Variants in DNAH10 observed in about 807,000 individuals in gnomAD.
DNAH10 encodes axonemal beta dynein heavy chain 10.
In DNAH10, 348 loss-of-function variants were observed where a neutral mutation model predicts 506.6. That is an observed-to-expected ratio of 0.69 (90% CI 0.63 to 0.75). DNAH10 has a LOEUF of 0.75. Ranked by LOEUF, DNAH10 falls within the 30% of genes least tolerant of loss-of-function variation. DNAH10 has a pLI of 0.00. For missense variants in DNAH10, 5,179 were observed against 5,787.1 expected (o/e 0.89, Z 3.41); for synonymous variants, 2,059 against 2,198.6 (o/e 0.94, Z 1.78).
In DNAH10 at chr12:123,845,145, G is replaced by A. The variant is rs183205103; in HGVS notation, c.5361-455G>A. 9.3e-4 allele frequency among the ~76,000 whole-genome samples: 142 copies of A among 152,064 alleles called. 2 individuals are homozygous for A. Among genetic ancestry groups the A allele is most frequent in the Admixed American group, 9.2e-3 (140 of 15,280 alleles). On this transcript the variant is annotated intron_variant, in intron 30 of 78. Transcript: ENST00000673944. Reference sequence around the variant, plus strand: ...GGAGTAGCTGGGACTACAGGCATGCGTCATTATGCCTGGCTAGTTTTTAAT... The same window carrying A: ...GGAGTAGCTGGGACTACAGGCATGCATCATTATGCCTGGCTAGTTTTTAAT...
Position 123,783,257 on chromosome 12 carries a change from C to T in DNAH10, c.992C>T (p.Thr331Ile). ...STAVEAQLKK[T>I]PQGKGPLAEI... ...GCGGTTGAGGCCCAACTGAAGAAGA[C>T]ACCTCAGGTAGTTTGTGCAGGGCTT... is the stretch of plus-strand genomic sequence containing the variant. The change falls in exon 7 of 79, where the codon ACA (threonine) becomes ATA (isoleucine). Residue 331 changes from threonine (T) to isoleucine (I), a missense_variant. Thr to Ile is a moderately conservative substitution (Grantham distance 89). Transcript: ENST00000673944. The T allele has an allele frequency of 1.2e-6, 2 of 1,613,912 alleles. No individual in the cohort carries two copies. The highest frequency in any genetic ancestry group is 1.1e-5 in the South Asian group (1 of 91,056).
intron 50 of DNAH10, 84 bp from the exon 51 acceptor site, chr12:123,881,541 C>A (rs1439208883): frequency 7.6e-7 from 1 of 1,309,832 alleles, no homozygotes; most frequent in Non-Finnish European, 1.0e-6. Context: ...TTTGTAGATT[C>A]TGGATATTAG....
At chr12:123,827,534 G>A (rs937532113) in intron 25 of DNAH10, among the ~76,000 whole-genome samples, 2 of 152,190 alleles carry the variant, frequency 1.3e-5, no homozygotes, top group African/African-American at 4.8e-5. Context: ...GGGGGCATGG[G>A]TCTGTGTTTA....
rs1317454490 is a variant in DNAH10, at chr12:123,787,936, G to A, written c.1554G>A (p.Arg518=). 1.9e-6 allele frequency: 3 copies of A among 1,605,204 alleles called. No homozygotes were observed. The South Asian group carries it at 3.4e-5, about 18-fold the overall frequency. ...SGREDRWEFD[R]KRLFERTDYM... The stretch of plus-strand genomic sequence containing the variant: ...GGGAAGATCGGTGGGAGTTTGACCG[G>A]AAGCGGCTGTTCGAGAGGACGGATT... The change falls in exon 10 of 79, where the codon CGG becomes CGA. Residue 518 remains arginine, a synonymous_variant. Transcript: ENST00000673944. The surrounding 1 kb of genome is among the most constrained non-coding windows in gnomAD (Gnocchi z 4.6).
intron 30 of DNAH10, among the ~76,000 whole-genome samples, chr12:123,844,464 A>G (rs572117596): frequency 7.2e-5 from 11 of 152,316 alleles, no homozygotes; most frequent in South Asian, 4.1e-4. Context: ...AGGACATCCA[A>G]GTGGCCAATA....
At position 123,878,158 on chromosome 12, in the gene DNAH10, G is replaced by A. The variant is rs140771862; in HGVS notation, c.8372+250G>A. 2.0e-3 allele frequency among the ~76,000 whole-genome samples: 311 copies of A among 152,324 alleles called. 1 individual carries two copies. The highest frequency in any genetic ancestry group is 5.0e-3 in the Admixed American group (76 of 15,304). ...CAAGCCTATCACACCCCTTGGGCAG[G>A]CTGTGTTGTTGACTTCTCGTTTTCA... On this transcript the variant is annotated intron_variant, in intron 48 of 78. Transcript: ENST00000673944.
intron 24 of DNAH10, among the ~76,000 whole-genome samples, chr12:123,821,415 C>T (rs1354858327): frequency 2.6e-5 from 4 of 152,192 alleles, no homozygotes; most frequent in Non-Finnish European, 5.9e-5. Flanking sequence ...ACTGCAGCCT[C>T]GAAGTCCTGG....
chr12:123,794,089 A>G lies in DNAH10; in HGVS notation c.1963A>G (p.Ile655Val), dbSNP rs1036751200. ...NRQMMMKFND[I>V]LAQYCKEIDI... is the part of the protein sequence containing the mutation. Reference sequence around the variant, plus strand: ...ACAAATGATGATGAAATTTAATGATATTCTTGCACAGTACTGTAAAGAGGT... The same window carrying G: ...ACAAATGATGATGAAATTTAATGATGTTCTTGCACAGTACTGTAAAGAGGT... Residue 655 changes from isoleucine to valine, a missense_variant, in exon 12 of 79, where the codon ATT becomes GTT. By Grantham distance (29) the Ile-to-Val change is conservative. Coordinates refer to ENST00000673944, the MANE Select transcript of DNAH10 (RefSeq NM_001372106.1). 2.1e-5 allele frequency: 27 copies of G among 1,278,270 alleles called. No individual in the cohort carries two copies. The highest frequency in any genetic ancestry group is 2.4e-5 in the Non-Finnish European group (24 of 982,590). 79.2% of individuals were successfully genotyped at this position (1,278,270 alleles called of 1,614,324 possible). A position where few individuals can be genotyped will look rare whatever the true frequency, so the allele number is the denominator to read the frequency against.
At position 123,785,898 on chromosome 12, in the gene DNAH10, G is replaced by C; in HGVS notation, c.1383G>C (p.Glu461Asp). 1 of 1,614,064 alleles carries C rather than the reference G, an allele frequency of 6.2e-7. No homozygotes were observed. Among genetic ancestry groups the C allele is most frequent in the Non-Finnish European group, 8.5e-7 (1 of 1,179,898 alleles). ...LMERIAWEIA[E>D]RVCRVVNLRT... ...AGCGCATCGCCTGGGAAATCGCTGA[G>C]AGAGTCTGCCGAGTGGTCAACCTGC... Residue 461 changes from glutamate to aspartate, a missense_variant, in exon 9 of 79, where the codon GAG becomes GAC. Transcript: ENST00000673944. The surrounding 1 kb of genome is among the most constrained non-coding windows in gnomAD (Gnocchi z 4.1).
intron 48 of DNAH10, 61 bp from the exon 49 acceptor site, chr12:123,879,203 C>T (rs550383980): frequency 7.1e-6 from 10 of 1,416,068 alleles, no homozygotes; most frequent in East Asian, 2.5e-5. Flanking sequence ...ATGTCACAGC[C>T]GTCAGCCCTG....
At chr12:123,816,437 G>T (rs1271248651) in intron 21 of DNAH10, among the ~76,000 whole-genome samples, 1 of 152,202 alleles carries the variant, frequency 6.6e-6, no homozygotes, top group Non-Finnish European at 1.5e-5. Context: ...CCTAAATGAT[G>T]GGATTTGGAG....
At chr12:123,769,226 ACCT>A (rs111506784) in intron 2 of DNAH10, among the ~76,000 whole-genome samples, 6,460 of 149,810 alleles carry the variant, frequency 0.043, 354 homozygotes, top group African/African-American at 0.13. Context: ...GCTTGCTGCA[ACCT>A]CCTCCTCCTG....
chr12:123,800,191 C>T (rs377132797), intron 14 of DNAH10, 25 bp from the exon 15 acceptor site: 84 of 1,609,164 alleles, frequency 5.2e-5, no homozygotes, highest in East Asian at 3.8e-4. Flanking sequence ...GCCCTGGCCG[C>T]GCTGATGGAA....
chr12:123,913,025 T>C lies in DNAH10; in HGVS notation c.10135-73T>C, dbSNP rs1954299643. The C allele has an allele frequency of 6.3e-6, 9 of 1,429,392 alleles. No homozygotes were observed. The highest frequency in any genetic ancestry group is 8.6e-6 in the Non-Finnish European group (9 of 1,048,528). The allele number at this position is 1,429,392 out of a possible 1,614,324, so 88.5% of individuals were successfully genotyped here. ...ATTAGAGCAGTTTAGACATGTGGCC[T>C]GGTTTGAGGCCATGGGATCGCGGCC... On this transcript the variant is annotated intron_variant, in intron 59 of 78. Transcript: ENST00000673944. This position sits in a 1 kb window ranked among gnomAD's most constrained non-coding sequence, Gnocchi z 5.1.
intron 73 of DNAH10, among the ~76,000 whole-genome samples, chr12:123,931,045 A>G (rs1038904482): frequency 6.6e-6 from 1 of 152,076 alleles, no homozygotes; most frequent in African/African-American, 2.4e-5. Context: ...AATCAAAACA[A>G]AAAAACAAAA....
rs1956855585 is a variant in DNAH10 at position 123,762,312 on chromosome 12, G to A, written c.-25G>A. 1.6e-6 allele frequency: 2 copies of A among 1,233,766 alleles called. No homozygotes were observed. Among genetic ancestry groups the A allele is most frequent in the South Asian group, 4.1e-5 (1 of 24,626 alleles). The allele number at this position is 1,233,766 out of a possible 1,614,324, so 76.4% of individuals were successfully genotyped here. A position where few individuals can be genotyped will look rare whatever the true frequency, so the allele number is the denominator to read the frequency against. ...TGCCACGGACGCCCGCCCTGCGCCC[G>A]GCTCCCTCTGCACTGCGCGGCGCCA... On this transcript the variant is annotated 5_prime_UTR_variant, in exon 1 of 79. Transcript: ENST00000673944. This position sits in a 1 kb window ranked among gnomAD's most constrained non-coding sequence, Gnocchi z 5.0.
At position 123,909,372 on chromosome 12, in the gene DNAH10, G is replaced by T. The variant is rs753614886; in HGVS notation, c.9927G>T (p.Pro3309=). ...CAGCCAAGGGCGTGATGTCCGACCC[G>T]AATTTCCTGCGGTCTCTGATGGAGA... is the stretch of plus-strand genomic sequence containing the variant. ...WKTAKGVMSD[P]NFLRSLMEID... is the part of the protein sequence containing the mutation. Residue 3309 remains proline, a synonymous_variant, in exon 58 of 79, where the codon CCG becomes CCT. Transcript: ENST00000673944. The surrounding 1 kb of genome is among the most constrained non-coding windows in gnomAD (Gnocchi z 5.4). 3.1e-6 allele frequency: 5 copies of T among 1,611,500 alleles called. No individual in the cohort carries two copies. Among genetic ancestry groups the T allele is most frequent in the Non-Finnish European group, 4.2e-6 (5 of 1,178,902 alleles).
At position 123,808,959 on chromosome 12, in the gene DNAH10, A is replaced by C. The variant is rs1958821592; in HGVS notation, c.3144+6A>C. ...ATTGCGTGGAGATCACCAAGGTGAG[A>C]GCGGAGGTGCTTGTGTCCTTGCTCA... On this transcript the variant is annotated splice_donor_region_variant and intron_variant, in intron 19 of 78. Transcript: ENST00000673944. 2 of 1,613,818 alleles carry C rather than the reference A, an allele frequency of 1.2e-6. No homozygotes were observed. Among genetic ancestry groups the C allele is most frequent in the Admixed American group, 1.7e-5 (1 of 59,978 alleles).
chr12:123,924,126 T>C, intron 66 of DNAH10, 152 bp from the exon 67 acceptor site: 1 of 1,055,406 alleles, frequency 9.5e-7, no homozygotes, highest in Non-Finnish European at 1.3e-6. Flanking sequence ...TTGGTGTCAC[T>C]GGCGGTGACG....
Sources: allele counts gnomAD v4.1 joint callset (sites outside exome capture counted in the v4.1 genomes callset), GRCh38; gene constraint gnomAD v4.1.1; non-coding constraint Gnocchi (gnomAD v3.1); transcripts MANE v1.5; gene names NCBI Gene and HGNC (gene_info 2026-07-23, HGNC 2026-07-21).